RBPMS: variants seen among roughly 807,000 people sequenced by gnomAD.
RBPMS encodes the protein RNA-binding protein with multiple splicing.
A neutral mutation model predicts 26.8 loss-of-function variants in RBPMS; 7 were observed. The observed-to-expected ratio is 0.26, with a 90% CI of 0.15 to 0.49. The LOEUF is 0.49. Among genes scored for constraint, RBPMS ranks in the 20% least tolerant of loss-of-function variants. The pLI, the probability that RBPMS is intolerant of heterozygous loss-of-function variation, is 0.98. For synonymous variants in RBPMS, 96 were observed against 93.3 expected (o/e 1.03, Z -0.17); for missense variants, 186 against 250.0 (o/e 0.74, Z 1.73).
intron 6 of RBPMS, chr8:30,552,839 T>C (rs1396990155): frequency 6.6e-6 from 1 of 152,242 alleles, no homozygotes; most frequent in African/African-American, 2.4e-5. Flanking sequence ...AACCCAGCTT[T>C]GATCAGGCTT....
At chr8:30,530,006 C>T (rs764101849) in intron 5 of RBPMS, among the ~76,000 whole-genome samples, 1 of 152,170 alleles carries the variant, frequency 6.6e-6, no homozygotes, top group Non-Finnish European at 1.5e-5. Flanking sequence ...CCGCCCACCT[C>T]GGCCTCCCAA....
chr8:30,527,733 A>G (rs998165715), intron 5 of RBPMS, among the ~76,000 whole-genome samples: 5 of 152,206 alleles, frequency 3.3e-5, no homozygotes, highest in African/African-American at 1.2e-4. Context: ...GAAAGATTGG[A>G]AAGAGGAGTG....
rs529321881 is a variant in RBPMS, at chr8:30,557,300, C to T, written c.529-1587C>T. On this transcript the variant is annotated intron_variant, in intron 6 of 8. Transcript: ENST00000397323. ...CATGGGGAGGAGGAGGTTCCCAGGC[C>T]GCCTTGTGCTCGGACCAGGGACAAG... Among the ~76,000 whole-genome samples, 210 of 152,294 alleles carry T rather than the reference C, an allele frequency of 1.4e-3. 2 individuals carry two copies. The highest frequency in any genetic ancestry group is 0.012 in the South Asian group (60 of 4,820).
chr8:30,450,822 A>G (rs1462422604), intron 1 of RBPMS, among the ~76,000 whole-genome samples: 1 of 133,588 alleles, frequency 7.5e-6, no homozygotes, highest in Non-Finnish European at 1.6e-5. Context: ...TGTGTTTTTG[A>G]AAATTAAAGG....
At chr8:30,428,868 CT>C (rs374454974) in intron 1 of RBPMS, among the ~76,000 whole-genome samples, 17 of 152,104 alleles carry the variant, frequency 1.1e-4, no homozygotes, top group African/African-American at 3.9e-4. Context: ...TTTCAAATCC[CT>C]TTTCAAAGTA....
intron 1 of RBPMS, among the ~76,000 whole-genome samples, chr8:30,441,789 C>T (rs185864739): frequency 1.3e-4 from 20 of 152,262 alleles, no homozygotes; most frequent in African/African-American, 4.6e-4. Flanking sequence ...TCTCTTAATA[C>T]CATATCAGAA....
At chr8:30,514,152 A>G (rs1822034586) in intron 5 of RBPMS, among the ~76,000 whole-genome samples, 1 of 148,774 alleles carries the variant, frequency 6.7e-6, no homozygotes, top group African/African-American at 2.6e-5. Flanking sequence ...ACTCCTGCAC[A>G]CTTTGTTAAG....
At chr8:30,515,012 G>A (rs1585725530) in intron 5 of RBPMS, among the ~76,000 whole-genome samples, 1 of 151,928 alleles carries the variant, frequency 6.6e-6, no homozygotes, top group African/African-American at 2.4e-5. Flanking sequence ...TTTTATTAGA[G>A]ACCATGTCTC....
At chr8:30,385,290 T>C (rs1404800211) in intron 1 of RBPMS, 132 bp downstream of exon 1, 1 of 560,890 alleles carries the variant, frequency 1.8e-6, no homozygotes, top group African/African-American at 2.0e-5. Flanking sequence ...AGCCCCACAG[T>C]GTGGCCCGGG....
intron 1 of RBPMS, among the ~76,000 whole-genome samples, chr8:30,434,865 T>A (rs1245953128): frequency 2.0e-5 from 3 of 152,062 alleles, no homozygotes; most frequent in Non-Finnish European, 2.9e-5. Flanking sequence ...TTAATCTGCA[T>A]CTAAGGGTTC....
chr8:30,534,168 A>C (rs1824562371), intron 5 of RBPMS, among the ~76,000 whole-genome samples: 1 of 152,194 alleles, frequency 6.6e-6, no homozygotes, highest in South Asian at 2.1e-4. Flanking sequence ...GACTTCTGAA[A>C]AACACAGAAA....
intron 1 of RBPMS, among the ~76,000 whole-genome samples, chr8:30,392,248 G>C (rs78172136): frequency 5.9e-5 from 9 of 152,104 alleles, no homozygotes; most frequent in African/African-American, 2.2e-4. Flanking sequence ...TAAAGATGAC[G>C]TATGAGCTAA....
chr8:30,445,715 T>C, intron 1 of RBPMS, among the ~76,000 whole-genome samples: 1 of 147,778 alleles, frequency 6.8e-6, no homozygotes, highest in South Asian at 2.1e-4. Context: ...TCGCCTAGGC[T>C]AGGGTGCAGT....
intron 6 of RBPMS, among the ~76,000 whole-genome samples, chr8:30,549,955 A>G (rs993226448): frequency 5.9e-4 from 89 of 149,766 alleles, no homozygotes; most frequent in Non-Finnish European, 1.1e-3. Flanking sequence ...GGTTCATGCC[A>G]TTCTCCTGCC....
intron 1 of RBPMS, among the ~76,000 whole-genome samples, chr8:30,445,777 A>G (rs1160536547): frequency 6.6e-6 from 1 of 151,434 alleles, no homozygotes; most frequent in Non-Finnish European, 1.5e-5. Context: ...CAGCGAGCCT[A>G]TATCACCTTA....
intron 1 of RBPMS, among the ~76,000 whole-genome samples, chr8:30,447,604 A>G (rs1436493146): frequency 6.6e-6 from 1 of 152,234 alleles, no homozygotes; most frequent in Non-Finnish European, 1.5e-5. Context: ...TAATTTAGGA[A>G]AGACTTTGTA....
chr8:30,560,481 A>C (rs747499900), intron 7 of RBPMS, among the ~76,000 whole-genome samples: 8 of 152,134 alleles, frequency 5.3e-5, no homozygotes, highest in African/African-American at 1.4e-4. Context: ...CAGGGATAGG[A>C]AAGTTGAGAG....
At chr8:30,479,725 CATT>C (rs1471665284) in intron 4 of RBPMS, among the ~76,000 whole-genome samples, 1 of 151,892 alleles carries the variant, frequency 6.6e-6, no homozygotes, top group Non-Finnish European at 1.5e-5. Context: ...GCTTGCTCAT[CATT>C]ATACTCTAAA....
chr8:30,389,559 G>A (rs1035398332), intron 1 of RBPMS, among the ~76,000 whole-genome samples: 28 of 152,288 alleles, frequency 1.8e-4, no homozygotes, highest in African/African-American at 6.7e-4. Flanking sequence ...ATCAAAATGT[G>A]TTCAGGCCCT....
Sources: gnomAD v4.1 joint callset for allele counts (sites outside exome capture counted in the v4.1 genomes callset) on GRCh38, gnomAD v4.1.1 for gene constraint, MANE v1.5 for transcripts, NCBI Gene and HGNC (gene_info 2026-07-23, HGNC 2026-07-21) for gene names.